The following MIB1 variants were observed in gnomAD, a reference collection of about 807,000 sequenced individuals.
MIB1 encodes E3 ubiquitin-protein ligase MIB1.
A neutral mutation model predicts 124.5 loss-of-function variants in MIB1; 278 were observed. The ratio of observed to expected loss-of-function variants is 2.23; its 90% confidence interval spans 2.02 to 2.47. The LOEUF is 2.47. MIB1 is among the 30% of genes most tolerant of loss of function. MIB1 has a pLI of 0.00. For synonymous variants in MIB1, 446 were observed against 429.4 expected, an observed-to-expected ratio of 1.04 and a Z score of -0.48; for missense variants, 957 against 1,254.4, an observed-to-expected ratio of 0.76 and a Z score of 3.58.
intron 1 of MIB1, among the ~76,000 whole-genome samples, chr18:21,706,465 G>A (rs1487309822): frequency 1.3e-5 from 2 of 152,282 alleles, no homozygotes; most frequent in South Asian, 2.1e-4. Flanking sequence ...CCCCTCTCTG[G>A]GCTGGCTGAG....
intron 15 of MIB1, among the ~76,000 whole-genome samples, chr18:21,845,830 G>T (rs558890037): frequency 6.6e-6 from 1 of 151,912 alleles, no homozygotes; most frequent in Non-Finnish European, 1.5e-5. Context: ...TCACTATGTT[G>T]GCCAGACTGG....
At chr18:21,860,419 A>G (rs188540067) in intron 20 of MIB1, among the ~76,000 whole-genome samples, 34 of 152,178 alleles carry the variant, frequency 2.2e-4, no homozygotes, top group Non-Finnish European at 4.0e-4. Flanking sequence ...CGTCTTATAT[A>G]TATCAACAAA....
At chr18:21,862,717 T>G (rs935656778) in intron 20 of MIB1, among the ~76,000 whole-genome samples, 3 of 152,140 alleles carry the variant, frequency 2.0e-5, no homozygotes, top group African/African-American at 7.2e-5. Flanking sequence ...GAGGAAGGTT[T>G]TCAATCCCGC....
rs147796465 is a variant in MIB1, at chr18:21,749,583, A to G, written c.229+7771A>G. On this transcript the variant is annotated intron_variant, in intron 1 of 20. Coordinates refer to ENST00000261537, the MANE Select transcript of MIB1 (RefSeq NM_020774.4). ...ATTTGTCTTTTAATAGAGGAATTTA[A>G]CTTGTTCATATGTATTGTGACAACT... is the stretch of plus-strand genomic sequence containing the variant. Among the ~76,000 whole-genome samples the G allele has an allele frequency of 3.6e-3, 539 of 150,740 alleles. 3 individuals are homozygous for G. The highest frequency in any genetic ancestry group is 6.4e-3 in the Non-Finnish European group (435 of 67,872).
chr18:21,859,292 G>C (rs1232923551), intron 20 of MIB1, among the ~76,000 whole-genome samples: 3 of 151,884 alleles, frequency 2.0e-5, no homozygotes, highest in African/African-American at 7.3e-5. Flanking sequence ...CTACTTGGAG[G>C]CTGAGGTGGG....
chr18:21,861,004 A>G (rs1285740460), intron 20 of MIB1, among the ~76,000 whole-genome samples: 1 of 151,930 alleles, frequency 6.6e-6, no homozygotes, highest in Admixed American at 6.6e-5. Flanking sequence ...GCGCCACTAC[A>G]CTCCATCCCA....
intron 1 of MIB1, among the ~76,000 whole-genome samples, chr18:21,763,467 C>T (rs3017046): frequency 0.032 from 4,816 of 152,172 alleles, 285 homozygotes; most frequent in African/African-American, 0.11. Context: ...AAGATCTACT[C>T]GTCCATCATT....
rs35808714 is a variant in MIB1 at position 21,725,785 on chromosome 18, G to GGGAAGGAA, written n.167+20683_167+20690dup. ...AAGGAAGGAGGGAGGGAGGGAGAGA[G>GGGAAGGAA]GGAAGGAAGGAAGGAAGGAAGGAAG... On this transcript the variant is annotated intron_variant and non_coding_transcript_variant, in intron 1 of 20. Transcript: ENST00000578646. 4.3e-3 allele frequency among the ~76,000 whole-genome samples: 646 copies of GGGAAGGAA among 151,060 alleles called. 4 individuals are homozygous for GGGAAGGAA. The highest frequency in any genetic ancestry group is 6.8e-3 in the Non-Finnish European group (459 of 67,798).
intron 3 of MIB1, among the ~76,000 whole-genome samples, chr18:21,771,481 C>T (rs1425396173): frequency 6.6e-6 from 1 of 152,212 alleles, no homozygotes; most frequent in South Asian, 2.1e-4. Context: ...CTTTTTGCTA[C>T]AGATTGCATG....
In MIB1 at chr18:21,747,789, A is replaced by C. The variant is rs561246239; in HGVS notation, c.229+5977A>C. Among the ~76,000 whole-genome samples, 12 of 152,314 alleles carry C rather than the reference A, an allele frequency of 7.9e-5. No individual in the cohort carries two copies. In the East Asian group the frequency reaches 2.3e-3, roughly 29 times the overall value. ...TGAATGTGTTCCCAGGTAGCCACCC[A>C]CCAGGGTCTCTCCTCCACCCTCTAT... On this transcript the variant is annotated intron_variant, in intron 1 of 20. Coordinates refer to ENST00000261537, the MANE Select transcript of MIB1 (RefSeq NM_020774.4).
chr18:21,828,436 ATGTT>A (rs1014566759), intron 12 of MIB1: 4 of 151,980 alleles, frequency 2.6e-5, no homozygotes, highest in African/African-American at 9.6e-5. Flanking sequence ...AAGGGCCACT[ATGTT>A]TGTAGCTGTC....
intron 10 of MIB1, among the ~76,000 whole-genome samples, chr18:21,804,388 T>C (rs2041681479): frequency 6.6e-6 from 1 of 152,246 alleles, no homozygotes. Flanking sequence ...ACTTTTTTTG[T>C]TGTTGTTTTG....
chr18:21,792,467 T>G (rs1010256199), intron 7 of MIB1, among the ~76,000 whole-genome samples: 1 of 152,078 alleles, frequency 6.6e-6, no homozygotes, highest in Non-Finnish European at 1.5e-5. Context: ...GCCTAGTCCC[T>G]CCTTCCTGTT....
At chr18:21,732,008 G>A (rs1020336286) in intron 1 of MIB1, among the ~76,000 whole-genome samples, 2 of 149,950 alleles carry the variant, frequency 1.3e-5, no homozygotes, top group African/African-American at 5.0e-5. Context: ...AGAAAAATGG[G>A]TGCCCTTTAA....
intron 1 of MIB1, among the ~76,000 whole-genome samples, chr18:21,710,827 ATTTT>A (rs34702356): frequency 2.6e-5 from 3 of 117,010 alleles, no homozygotes; most frequent in Admixed American, 9.2e-5. Context: ...TAATTGACTG[ATTTT>A]TTTTTTTTTT....
At chr18:21,736,063 C>G (rs910241419), upstream of MIB1, among the ~76,000 whole-genome samples, 2 of 152,224 alleles carry the variant, frequency 1.3e-5, no homozygotes, top group African/African-American at 4.8e-5. Context: ...GGTCCTTGAC[C>G]CCCATGTATC....
intron 1 of MIB1, among the ~76,000 whole-genome samples, chr18:21,720,787 A>G (rs1173615870): frequency 1.3e-5 from 2 of 152,128 alleles, no homozygotes; most frequent in Non-Finnish European, 2.9e-5. Flanking sequence ...CGTCTCTACA[A>G]AAAATAAGAA....
intron 6 of MIB1, among the ~76,000 whole-genome samples, chr18:21,781,902 A>T (rs2041373241): frequency 6.6e-6 from 1 of 151,808 alleles, no homozygotes; most frequent in Admixed American, 6.6e-5. Flanking sequence ...TTCTGGTTTT[A>T]TCTTAGTTGG....
intron 4 of MIB1, among the ~76,000 whole-genome samples, chr18:21,775,006 C>T (rs7241133): frequency 2.1e-3 from 314 of 151,700 alleles, no homozygotes; most frequent in African/African-American, 7.3e-3. Context: ...AGCACAGTGG[C>T]CTGATCTTGG....
Sources: allele counts gnomAD v4.1 joint callset (sites outside exome capture counted in the v4.1 genomes callset), GRCh38; gene constraint gnomAD v4.1.1; transcripts MANE v1.5; gene names NCBI Gene and HGNC (gene_info 2026-07-23, HGNC 2026-07-21).